Variants in SHANK2 observed in about 807,000 individuals in gnomAD.
The protein encoded by SHANK2 is SH3 and multiple ankyrin repeat domains protein 2.
SHANK2 carries 43 observed loss-of-function variants against 133.7 expected under a neutral mutation model. The observed-to-expected ratio is 0.32, with a 90% confidence interval of 0.25 to 0.41. SHANK2 has a LOEUF of 0.41. SHANK2 is among the 10% of genes least tolerant of loss of function. The pLI is 1.00. For synonymous variants in SHANK2, 1,017 were observed against 952.8 expected (o/e 1.07, Z -1.24); for missense variants, 1,994 against 2,235.8 (o/e 0.89, Z 2.18).
intron 15 of SHANK2, among the ~76,000 whole-genome samples, chr11:70,695,050 G>A (rs1379144276): frequency 2.0e-5 from 3 of 152,150 alleles, no homozygotes; most frequent in Non-Finnish European, 4.4e-5. Context: ...GATGAACAAC[G>A]ATAATACCAT....
intron 14 of SHANK2, among the ~76,000 whole-genome samples, chr11:70,727,166 T>A (rs1465036445): frequency 2.6e-5 from 4 of 152,266 alleles, no homozygotes; most frequent in Non-Finnish European, 5.9e-5. Flanking sequence ...AGTTTTACCA[T>A]CTACAAAATG....
chr11:70,932,315 C>T (rs1751926476), intron 10 of SHANK2, among the ~76,000 whole-genome samples: 1 of 152,188 alleles, frequency 6.6e-6, no homozygotes, highest in South Asian at 2.1e-4. Context: ...AAAATCTTGT[C>T]CTATATAAAG....
chr11:70,516,042 C>G (rs1554970021), intron 17 of SHANK2, among the ~76,000 whole-genome samples: 1 of 152,020 alleles, frequency 6.6e-6, no homozygotes, highest in Non-Finnish European at 1.5e-5. Context: ...GTCTGATGTT[C>G]CTTGGAAGGC....
intron 4 of SHANK2, among the ~76,000 whole-genome samples, chr11:71,114,052 G>C (rs1951936203): frequency 1.3e-5 from 2 of 152,190 alleles, no homozygotes; most frequent in Non-Finnish European, 2.9e-5. Context: ...GAAGGTCTGG[G>C]AAGGATGCTG....
chr11:70,780,643 G>A (rs976929251), intron 14 of SHANK2, among the ~76,000 whole-genome samples: 4 of 147,814 alleles, frequency 2.7e-5, no homozygotes, highest in African/African-American at 7.5e-5. Context: ...GCACAGTCTC[G>A]GCTCACTGCA....
chr11:71,236,771 C>A (rs1954830220), intron 1 of SHANK2, among the ~76,000 whole-genome samples: 1 of 152,190 alleles, frequency 6.6e-6, no homozygotes, highest in African/African-American at 2.4e-5. Context: ...CACATAAGCA[C>A]AACATTTTTA....
At position 70,679,527 on chromosome 11, in the gene SHANK2, C is replaced by T. The variant is rs140526975; in HGVS notation, c.1854-17849G>A. 2.5e-3 allele frequency among the ~76,000 whole-genome samples: 388 copies of T among 152,356 alleles called. 2 individuals are homozygous for T. Among genetic ancestry groups the T allele is most frequent in the African/African-American group, 9.1e-3 (377 of 41,584 alleles). On this transcript the variant is annotated intron_variant, in intron 15 of 25. Transcript: ENST00000601538. ...GGCAGCAGCGGAGGCTTCCAGCCAT[C>T]AGCTGTCTCCCCATGACCAGTACAA...
At chr11:71,222,690 ACCCCGAG>A (rs1263381697) in intron 2 of SHANK2, among the ~76,000 whole-genome samples, 1 of 152,220 alleles carries the variant, frequency 6.6e-6, no homozygotes, top group Non-Finnish European at 1.5e-5. Context: ...TTATGGCTCA[ACCCCGAG>A]CCTGCAGGGA....
intron 17 of SHANK2, chr11:70,635,428 G>A (rs2061060399): frequency 6.6e-6 from 1 of 152,086 alleles, no homozygotes; most frequent in African/African-American, 2.4e-5. Flanking sequence ...GAGGAACCTC[G>A]AAGGTATTAC....
chr11:70,486,576 G>C lies in SHANK2; in HGVS notation c.3717C>G (p.Pro1239=), dbSNP rs2058809164. The C allele has an allele frequency of 1.2e-6, 2 of 1,613,870 alleles. No homozygotes were observed. Among genetic ancestry groups the C allele is most frequent in the Admixed American group, 3.3e-5 (2 of 60,006 alleles). Residue 1239 remains proline, a synonymous_variant, in exon 25 of 26, where the codon CCC becomes CCG. Coordinates refer to ENST00000601538, the MANE Select transcript of SHANK2 (RefSeq NM_012309.5). The surrounding 1 kb of genome is among the most constrained non-coding windows in gnomAD (Gnocchi z 8.0). ...ESQQGPKGEA[P]KADLNKPLYI... ...AAAGAGGTTTGTTGAGGTCGGCCTT[G>C]GGGGCCTCCCCTTTGGGTCCCTGTT...
At chr11:70,668,825 G>C (rs1944734032) in intron 15 of SHANK2, 1 of 152,340 alleles carries the variant, frequency 6.6e-6, no homozygotes, top group Admixed American at 6.5e-5. Flanking sequence ...ATGTCTGAAG[G>C]GCCGTGATGA....
chr11:70,713,954 TG>T (rs1945854775), intron 14 of SHANK2, among the ~76,000 whole-genome samples: 1 of 152,218 alleles, frequency 6.6e-6, no homozygotes, highest in South Asian at 2.1e-4. Flanking sequence ...CCATGCTAAG[TG>T]CCTTCTTCCT....
At chr11:70,522,697 G>A (rs2059345698) in intron 17 of SHANK2, among the ~76,000 whole-genome samples, 1 of 152,102 alleles carries the variant, frequency 6.6e-6, no homozygotes. Flanking sequence ...GCTTTTTCAA[G>A]GCTGTCCTTG....
chr11:70,900,497 C>T (rs1950007878), intron 10 of SHANK2, among the ~76,000 whole-genome samples: 1 of 152,156 alleles, frequency 6.6e-6, no homozygotes, highest in Non-Finnish European at 1.5e-5. Flanking sequence ...AGTGCACACC[C>T]ACATCTGCAC....
intron 17 of SHANK2, among the ~76,000 whole-genome samples, chr11:70,580,320 A>G (rs2060167563): frequency 6.6e-6 from 1 of 152,224 alleles, no homozygotes; most frequent in African/African-American, 2.4e-5. Context: ...ATGAGCCACA[A>G]GGTGAGAGCT....
At chr11:70,778,418 C>T (rs183492551) in intron 14 of SHANK2, among the ~76,000 whole-genome samples, 1 of 152,334 alleles carries the variant, frequency 6.6e-6, no homozygotes, top group East Asian at 1.9e-4. Context: ...CTGAAATAGA[C>T]TAAATGTGTG....
chr11:70,485,379 T>G lies in SHANK2; in HGVS notation c.4914A>C (p.Lys1638Asn). 6.2e-7 allele frequency: 1 copy of G among 1,614,056 alleles called. No homozygotes were observed. The highest frequency in any genetic ancestry group is 8.5e-7 in the Non-Finnish European group (1 of 1,180,042). Residue 1638 changes from lysine to asparagine, a missense_variant, in exon 25 of 26, where the codon AAA becomes AAC. Around this residue, in one of 5 missense-constraint regions of SHANK2, gnomAD observed 797 missense variants for 907.4 expected, o/e 0.88. Transcript: ENST00000601538. This position sits in a 1 kb window ranked among gnomAD's most constrained non-coding sequence, Gnocchi z 5.8. The stretch of plus-strand genomic sequence containing the variant: ...CCAGTCCTTCCCCCGGCTTTGCCAA[T>G]TTCTCTCGGTTCATTTGCTGTAGGA... ...NSILQQMNRE[K>N]LAKPGEGLDS...
chr11:70,586,743 C>T (rs903524794), intron 17 of SHANK2, among the ~76,000 whole-genome samples: 5 of 152,188 alleles, frequency 3.3e-5, no homozygotes, highest in Admixed American at 2.0e-4. Flanking sequence ...GAGGGAAGCA[C>T]GGCTCGCAGC....
At chr11:71,131,339 CAGA>C (rs1325124115) in intron 3 of SHANK2, among the ~76,000 whole-genome samples, 1 of 152,188 alleles carries the variant, frequency 6.6e-6, no homozygotes, top group Non-Finnish European at 1.5e-5. Context: ...GACCTCGACT[CAGA>C]AGGACAGCCT....
Sources: gnomAD v4.1 joint callset for allele counts (sites outside exome capture counted in the v4.1 genomes callset) on GRCh38, gnomAD v4.1.1 for gene constraint, gnomAD v4.1.1 regional missense constraint, Gnocchi (gnomAD v3.1) non-coding constraint, MANE v1.5 for transcripts, NCBI Gene and HGNC (gene_info 2026-07-23, HGNC 2026-07-21) for gene names.